The following DOCK1 variants were observed in gnomAD, a reference collection of about 807,000 sequenced individuals.
The protein encoded by DOCK1 is dedicator of cytokinesis 1.
DOCK1 carries 138 observed loss-of-function variants against 262.7 expected under a neutral mutation model. The observed-to-expected ratio is 0.53, with a 90% CI of 0.46 to 0.61. DOCK1 has a LOEUF of 0.61. Among genes scored for constraint, DOCK1 ranks in the 20% least tolerant of loss-of-function variants. The pLI, the probability that DOCK1 is intolerant of heterozygous loss-of-function variation, is 0.00. For missense variants in DOCK1, 1,908 were observed against 2,370.7 expected (o/e 0.80, Z 4.05); for synonymous variants, 866 against 867.4 (o/e 1.00, Z 0.03).
intron 1 of DOCK1, among the ~76,000 whole-genome samples, chr10:126,934,211 A>T (rs36127469): frequency 0.23 from 35,011 of 151,976 alleles, 4,393 homozygotes; most frequent in African/African-American, 0.32. Flanking sequence ...TAGTATTTCT[A>T]TTGTCTTTAG....
At chr10:127,436,106 A>T (rs922516331) in intron 48 of DOCK1, among the ~76,000 whole-genome samples, 1 of 152,236 alleles carries the variant, frequency 6.6e-6, no homozygotes, top group East Asian at 1.9e-4. Context: ...CCTAATGGAT[A>T]TGGATGTATT....
chr10:126,989,428 G>A (rs1474162340), intron 5 of DOCK1, among the ~76,000 whole-genome samples: 1 of 152,132 alleles, frequency 6.6e-6, no homozygotes. Context: ...CCAGGCTCAA[G>A]CAATGCTCCC....
intron 29 of DOCK1, among the ~76,000 whole-genome samples, chr10:127,280,732 G>T (rs748404079): frequency 5.9e-5 from 9 of 152,316 alleles, no homozygotes; most frequent in Non-Finnish European, 1.2e-4. Context: ...TCTTCACTGT[G>T]TTCTGAGAGG....
intron 1 of DOCK1, among the ~76,000 whole-genome samples, chr10:126,939,363 G>T (rs2034818678): frequency 6.6e-6 from 1 of 152,322 alleles, no homozygotes; most frequent in Admixed American, 6.5e-5. Flanking sequence ...AAATCAGGAA[G>T]TGCAAGTCCG....
At chr10:127,329,758 T>C (rs748722488) in intron 29 of DOCK1, among the ~76,000 whole-genome samples, 2 of 152,088 alleles carry the variant, frequency 1.3e-5, no homozygotes, top group Non-Finnish European at 2.9e-5. Context: ...TTTTGTGAAG[T>C]TGAAATAGGT....
At chr10:127,129,499 T>A (rs1026266948) in intron 27 of DOCK1, among the ~76,000 whole-genome samples, 4 of 152,312 alleles carry the variant, frequency 2.6e-5, no homozygotes, top group African/African-American at 4.8e-5. Context: ...TTGAAACACA[T>A]TTGGAACACA....
chr10:127,412,001 C>T (rs567354252), intron 43 of DOCK1, among the ~76,000 whole-genome samples: 1 of 151,878 alleles, frequency 6.6e-6, no homozygotes, highest in African/African-American at 2.4e-5. Flanking sequence ...CTCGCTCTGT[C>T]GCCCAAGCTG....
At chr10:127,008,933 C>G (rs779968531) in intron 11 of DOCK1, 129 bp downstream of exon 11, 96 of 911,032 alleles carry the variant, frequency 1.1e-4, no homozygotes, top group Non-Finnish European at 1.6e-4. Flanking sequence ...TGAAAAACCT[C>G]TTTAGTCACT....
chr10:127,154,101 A>G (rs775320205), intron 27 of DOCK1, among the ~76,000 whole-genome samples: 21 of 152,244 alleles, frequency 1.4e-4, no homozygotes, highest in Admixed American at 1.2e-3. Context: ...AAACCAATGC[A>G]ACACCTACAG....
chr10:127,314,448 G>A (rs2720983), intron 29 of DOCK1, among the ~76,000 whole-genome samples: 21,468 of 152,240 alleles, frequency 0.14, 2,254 homozygotes, highest in African/African-American at 0.29. Flanking sequence ...ATGCTGGGGA[G>A]AAGCCGGGAC....
intron 23 of DOCK1, among the ~76,000 whole-genome samples, chr10:127,079,933 A>G (rs1388126914): frequency 5.9e-5 from 9 of 152,212 alleles, no homozygotes; most frequent in East Asian, 1.9e-4. Context: ...CTCTGTCCCA[A>G]TAAAAAATAA....
In DOCK1 at chr10:127,338,994, T is replaced by A. The variant is rs1590555132; in HGVS notation, c.3045-12T>A. The A allele has an allele frequency of 6.4e-7, 1 of 1,568,388 alleles. No individual in the cohort carries two copies. Among genetic ancestry groups the A allele is most frequent in the East Asian group, 2.3e-5 (1 of 42,682 alleles). ...AAGTGTGTAATTATGTAATTTTCTC[T>A]TGATCTTTCAGAGTCTTCCTGCGAG... On this transcript the variant is annotated splice_polypyrimidine_tract_variant and intron_variant, in intron 29 of 51. Coordinates refer to ENST00000623213, the MANE Select transcript of DOCK1 (RefSeq NM_001290223.2).
rs377310576 is a variant in DOCK1, at chr10:127,260,684, G to GGTGT, written c.3044+3262_3044+3265dup. ...GTGTCCCTGCATGTGTGTGCATGTG[G>GGTGT]GTGTGTGTGTACTCGTGCTCATCTG... On this transcript the variant is annotated intron_variant, in intron 29 of 51. Coordinates refer to ENST00000623213, the MANE Select transcript of DOCK1 (RefSeq NM_001290223.2). Among the ~76,000 whole-genome samples, 65 of 126,446 alleles carry GGTGT rather than the reference G, an allele frequency of 5.1e-4. 1 individual carries two copies. The highest frequency in any genetic ancestry group is 1.9e-3 in the African/African-American group (60 of 31,202). The allele number at this position is 126,446 out of a possible 152,430, so 83.0% of individuals were successfully genotyped here. A position where few individuals can be genotyped will look rare whatever the true frequency, so the allele number is the denominator to read the frequency against.
chr10:127,412,460 T>G (rs2067916923), intron 43 of DOCK1, among the ~76,000 whole-genome samples: 1 of 152,210 alleles, frequency 6.6e-6, no homozygotes, highest in African/African-American at 2.4e-5. Flanking sequence ...TTTATCCGTC[T>G]TGCCTGGGAA....
At position 127,373,816 on chromosome 10, in the gene DOCK1, A is replaced by T. The variant is rs1241085681; in HGVS notation, c.3468A>T (p.Glu1156Asp). ...AGATCATCACCAAGCTGGATCATGA[A>T]GTCGAAGGAGGCAGAGGAGACGAAC... ...ENEIITKLDH[E>D]VEGGRGDEQY... The change falls in exon 34 of 52, where the codon GAA becomes GAT. Residue 1156 changes from glutamate to aspartate, a missense_variant. By Grantham distance (45) the Glu-to-Asp change is conservative (BLOSUM62 2). Transcript: ENST00000623213. 1 of 1,611,872 alleles carries T rather than the reference A, an allele frequency of 6.2e-7. No individual in the cohort carries two copies. The highest frequency in any genetic ancestry group is 1.7e-5 in the Admixed American group (1 of 59,768).
In DOCK1 at chr10:127,176,067, T is replaced by G; in HGVS notation, c.2847+48303T>G. On this transcript the variant is annotated intron_variant, in intron 27 of 51. Coordinates refer to ENST00000623213, the MANE Select transcript of DOCK1 (RefSeq NM_001290223.2). The surrounding 1 kb of genome is among the most constrained non-coding windows in gnomAD (Gnocchi z 4.4). ...GAACGTCTGGTAACACTTCTTAAGG[T>G]CGGGCGAGGTCTGCACGCCTGTGCT... 6.2e-7 allele frequency: 1 copy of G among 1,614,068 alleles called. No homozygotes were observed. Among genetic ancestry groups the G allele is most frequent in the Non-Finnish European group, 8.5e-7 (1 of 1,180,032 alleles).
At chr10:127,259,585 A>G (rs575534680) in intron 29 of DOCK1, among the ~76,000 whole-genome samples, 1 of 151,848 alleles carries the variant, frequency 6.6e-6, no homozygotes, top group Non-Finnish European at 1.5e-5. Flanking sequence ...CCACCTCTTG[A>G]CTCCTCTACG....
intron 29 of DOCK1, among the ~76,000 whole-genome samples, chr10:127,295,591 C>T (rs966910168): frequency 2.0e-5 from 3 of 151,772 alleles, no homozygotes; most frequent in Admixed American, 1.3e-4. Flanking sequence ...GGGGCTGAGG[C>T]GAGAAGATTG....
At chr10:126,910,071 G>A (rs2031541964) in intron 1 of DOCK1, among the ~76,000 whole-genome samples, 1 of 152,178 alleles carries the variant, frequency 6.6e-6, no homozygotes, top group Admixed American at 6.5e-5. Flanking sequence ...GTTGATGAGA[G>A]ATCTCTTTTG....
Sources: allele counts gnomAD v4.1 joint callset (sites outside exome capture counted in the v4.1 genomes callset), GRCh38; gene constraint gnomAD v4.1.1; non-coding constraint Gnocchi (gnomAD v3.1); transcripts MANE v1.5; gene names NCBI Gene and HGNC (gene_info 2026-07-23, HGNC 2026-07-21).